Variants in LDB2 observed in about 807,000 individuals in gnomAD.
LDB2 encodes the protein LIM domain binding 2, also known as LIM domain-binding protein 2.
In LDB2, 12 loss-of-function variants were observed where a neutral mutation model predicts 44.3. That is an observed-to-expected ratio of 0.27 (90% CI 0.17 to 0.44). The LOEUF is 0.44. Ranked by LOEUF, LDB2 falls within the 20% of genes least tolerant of loss-of-function variation. The probability of loss-of-function intolerance (pLI) is 1.00; values close to 1 mark genes in which losing one functional copy is unlikely to be tolerated. For synonymous variants in LDB2, 164 were observed against 174.8 expected (o/e 0.94, Z 0.49); for missense variants, 344 against 473.5 (o/e 0.73, Z 2.54).
At chr4:16,584,648 C>A (rs1716075561) in intron 5 of LDB2, among the ~76,000 whole-genome samples, 1 of 152,180 alleles carries the variant, frequency 6.6e-6, no homozygotes, top group South Asian at 2.1e-4. Flanking sequence ...CTGCCCAAAC[C>A]CATACATGAT....
intron 2 of LDB2, among the ~76,000 whole-genome samples, chr4:16,714,496 C>G (rs1385967580): frequency 6.6e-6 from 1 of 152,052 alleles, no homozygotes; most frequent in Non-Finnish European, 1.5e-5. Flanking sequence ...TATCACCCCT[C>G]TGGGAAAAAA....
chr4:16,518,641 A>G (rs931351488), intron 5 of LDB2, among the ~76,000 whole-genome samples: 1 of 152,106 alleles, frequency 6.6e-6, no homozygotes, highest in African/African-American at 2.4e-5. Context: ...ACAGCCCACA[A>G]ATTAAAAAAT....
chr4:16,667,658 T>C (rs1480334131), intron 2 of LDB2, among the ~76,000 whole-genome samples: 1 of 152,208 alleles, frequency 6.6e-6, no homozygotes, highest in Non-Finnish European at 1.5e-5. Flanking sequence ...TGGATGGCAA[T>C]AGGTTTACTC....
intron 3 of LDB2, among the ~76,000 whole-genome samples, 168 bp from the exon 4 acceptor site, chr4:16,589,000 G>A (rs1717974540): frequency 6.6e-6 from 1 of 152,180 alleles, no homozygotes; most frequent in South Asian, 2.1e-4. Flanking sequence ...ACAAATGTCA[G>A]CTCTAAAATC....
At chr4:16,675,094 A>G (rs1258498820) in intron 2 of LDB2, among the ~76,000 whole-genome samples, 1 of 152,126 alleles carries the variant, frequency 6.6e-6, no homozygotes, top group East Asian at 1.9e-4. Flanking sequence ...AAAAACTTTT[A>G]TTTTGAGATA....
At chr4:16,535,324 T>C (rs1355535989) in intron 5 of LDB2, among the ~76,000 whole-genome samples, 2 of 152,166 alleles carry the variant, frequency 1.3e-5, no homozygotes, top group East Asian at 3.9e-4. Context: ...GTGCTGCCAC[T>C]GTACCCTCCG....
intron 1 of LDB2, among the ~76,000 whole-genome samples, chr4:16,768,573 C>A (rs1305278798): frequency 1.3e-5 from 2 of 152,114 alleles, no homozygotes; most frequent in Non-Finnish European, 2.9e-5. Context: ...AAATCTCATG[C>A]CTTCTGCCTT....
chr4:16,742,541 G>T (rs1232255117), intron 2 of LDB2, among the ~76,000 whole-genome samples: 1 of 152,176 alleles, frequency 6.6e-6, no homozygotes, highest in Non-Finnish European at 1.5e-5. Flanking sequence ...GGAATTCTCT[G>T]TCAGAAATGG....
chr4:16,572,587 ATG>A (rs1189579680), intron 5 of LDB2, among the ~76,000 whole-genome samples: 1 of 151,896 alleles, frequency 6.6e-6, no homozygotes, highest in Admixed American at 6.6e-5. Context: ...TTGTATATAT[ATG>A]TGTGTGTGTG....
intron 2 of LDB2, among the ~76,000 whole-genome samples, chr4:16,619,638 G>A (rs974299631): frequency 7.5e-5 from 9 of 120,120 alleles, no homozygotes; most frequent in South Asian, 5.8e-4. Flanking sequence ...CCAGGCCATC[G>A]TAAGCATGGC....
At chr4:16,816,874 A>G (rs987160870) in intron 1 of LDB2, among the ~76,000 whole-genome samples, 1 of 152,000 alleles carries the variant, frequency 6.6e-6, no homozygotes, top group African/African-American at 2.4e-5. Context: ...AGTTTTTCAA[A>G]CTTTTTGTCT....
chr4:16,783,656 T>C (rs1773788029), intron 1 of LDB2, among the ~76,000 whole-genome samples: 1 of 152,252 alleles, frequency 6.6e-6, no homozygotes, highest in Admixed American at 6.5e-5. Context: ...ATATGAGAAG[T>C]AGACTCTTGT....
At chr4:16,544,980 GGAGA>G (rs753380836) in intron 5 of LDB2, among the ~76,000 whole-genome samples, 1 of 152,100 alleles carries the variant, frequency 6.6e-6, no homozygotes, top group South Asian at 2.1e-4. Context: ...GGCAAGAGAT[GGAGA>G]GAGAACAGCG....
chr4:16,505,277 A>T (rs1718902634), intron 7 of LDB2, among the ~76,000 whole-genome samples: 1 of 152,160 alleles, frequency 6.6e-6, no homozygotes, highest in African/African-American at 2.4e-5. Flanking sequence ...TAAATTTCAA[A>T]GGGATGCCAC....
At chr4:16,844,696 T>C (rs1240301527) in intron 1 of LDB2, among the ~76,000 whole-genome samples, 1 of 152,228 alleles carries the variant, frequency 6.6e-6, no homozygotes, top group African/African-American at 2.4e-5. Context: ...TTTTGTTTTT[T>C]TGTCCATGAC....
At chr4:16,667,573 A>T (rs1743634492) in intron 2 of LDB2, among the ~76,000 whole-genome samples, 1 of 152,216 alleles carries the variant, frequency 6.6e-6, no homozygotes, top group Non-Finnish European at 1.5e-5. Context: ...AACGCAAAAA[A>T]TTAGGCAGAG....
At chr4:16,555,023 G>A (rs1183697785) in intron 5 of LDB2, among the ~76,000 whole-genome samples, 1 of 152,100 alleles carries the variant, frequency 6.6e-6, no homozygotes, top group Non-Finnish European at 1.5e-5. Context: ...GATGCAGCCA[G>A]TGCTATATGA....
intron 2 of LDB2, among the ~76,000 whole-genome samples, chr4:16,750,417 C>T (rs374328011): frequency 6.6e-6 from 1 of 152,238 alleles, no homozygotes; most frequent in Non-Finnish European, 1.5e-5. Flanking sequence ...GCCTGCAATG[C>T]AGACTTTGGA....
At chr4:16,740,123 G>A (rs1011290150) in intron 2 of LDB2, among the ~76,000 whole-genome samples, 6 of 152,120 alleles carry the variant, frequency 3.9e-5, no homozygotes, top group African/African-American at 1.4e-4. Context: ...TGGAATTGGA[G>A]ATGGGAAACA....
Sources: allele counts gnomAD v4.1 joint callset (sites outside exome capture counted in the v4.1 genomes callset), GRCh38; gene constraint gnomAD v4.1.1; transcripts MANE v1.5; gene names NCBI Gene and HGNC (gene_info 2026-07-23, HGNC 2026-07-21).